NRG3: variants seen among roughly 807,000 people sequenced by gnomAD.
The protein encoded by NRG3 is neuregulin 3.
NRG3 carries 31 observed loss-of-function variants against 66.9 expected under a neutral mutation model. That is an observed-to-expected ratio of 0.46 (90% confidence interval 0.35 to 0.63). The LOEUF (loss-of-function observed/expected upper bound fraction) is 0.63. Ranked by LOEUF, NRG3 falls within the 20% of genes least tolerant of loss-of-function variation. The pLI, the probability that NRG3 is intolerant of heterozygous loss-of-function variation, is 0.00. For missense variants in NRG3, 910 were observed against 878.9 expected (o/e 1.04, Z -0.45); for synonymous variants, 393 against 359.4 (o/e 1.09, Z -1.06).
chr10:82,294,765 G>C (rs1185637047), intron 1 of NRG3, among the ~76,000 whole-genome samples: 1 of 151,904 alleles, frequency 6.6e-6, no homozygotes, highest in African/African-American at 2.4e-5. Flanking sequence ...TTCACTCTTG[G>C]AATATCTGAA....
At chr10:82,767,635 C>A (rs2059564826) in intron 3 of NRG3, among the ~76,000 whole-genome samples, 2 of 151,872 alleles carry the variant, frequency 1.3e-5, no homozygotes, top group African/African-American at 4.8e-5. Context: ...ATCTTATTAT[C>A]TTACCTTTTC....
chr10:82,261,023 G>C (rs1013046086), intron 1 of NRG3, among the ~76,000 whole-genome samples: 1 of 152,146 alleles, frequency 6.6e-6, no homozygotes, highest in Non-Finnish European at 1.5e-5. Context: ...TTGGTGATGA[G>C]TGAGTTCTCT....
intron 1 of NRG3, among the ~76,000 whole-genome samples, chr10:82,158,054 C>T (rs995896): frequency 0.57 from 86,237 of 151,292 alleles, 26,243 homozygotes; most frequent in Non-Finnish European, 0.69. Flanking sequence ...TTACAAAAAA[C>T]ACTCCTATCA....
intron 2 of NRG3, among the ~76,000 whole-genome samples, chr10:82,375,536 C>CAAAAA (rs57526579): frequency 3.5e-4 from 44 of 127,322 alleles, no homozygotes; most frequent in African/African-American, 1.2e-3. Context: ...GACTCCATCT[C>CAAAAA]AAAAAAAAAA....
chr10:82,032,062 A>T (rs1237819907), intron 1 of NRG3, among the ~76,000 whole-genome samples: 1 of 151,632 alleles, frequency 6.6e-6, no homozygotes, highest in Non-Finnish European at 1.5e-5. Flanking sequence ...ATTGATATCA[A>T]ATCTTTTAAA....
intron 3 of NRG3, among the ~76,000 whole-genome samples, chr10:82,781,575 A>T (rs1241551363): frequency 6.6e-6 from 1 of 152,126 alleles, no homozygotes; most frequent in Non-Finnish European, 1.5e-5. Context: ...CATAGTGTTT[A>T]TAAAATATTT....
At chr10:82,723,639 G>T (rs1177508896) in intron 2 of NRG3, among the ~76,000 whole-genome samples, 1 of 152,076 alleles carries the variant, frequency 6.6e-6, no homozygotes, top group Non-Finnish European at 1.5e-5. Context: ...TGAAGCCTTT[G>T]GAAAATACGA....
chr10:82,943,218 T>C (rs573044884), intron 4 of NRG3, among the ~76,000 whole-genome samples: 2 of 152,358 alleles, frequency 1.3e-5, no homozygotes, highest in Admixed American at 6.5e-5. Flanking sequence ...TGCTTATGTG[T>C]TTAATCCCTA....
At chr10:82,393,775 A>T (rs1019097681) in intron 2 of NRG3, among the ~76,000 whole-genome samples, 3 of 152,138 alleles carry the variant, frequency 2.0e-5, no homozygotes, top group African/African-American at 4.8e-5. Context: ...CAGTTTTCAT[A>T]AGTGCTTATT....
chr10:81,991,733 A>G (rs1385620636), intron 1 of NRG3, among the ~76,000 whole-genome samples: 1 of 152,162 alleles, frequency 6.6e-6, no homozygotes, highest in African/African-American at 2.4e-5. Context: ...ATGATATTTA[A>G]TAATAATAGA....
chr10:82,362,079 C>CAAAAAAAAAAAAAAAAAAAA lies in NRG3; in HGVS notation c.953+3222_953+3241dup, dbSNP rs58975630. On this transcript the variant is annotated intron_variant, in intron 2 of 8. Coordinates refer to ENST00000372141, the MANE Select transcript of NRG3 (RefSeq NM_001010848.4). ...GTGATAGAAATCCTGAAAGTACATG[C>CAAAAAAAAAAAAAAAAAAAA]AAAAAAAAAAAAAAAAAAAAAAAAA... is the stretch of plus-strand genomic sequence containing the variant. 4.3e-4 allele frequency among the ~76,000 whole-genome samples: 6 copies of CAAAAAAAAAAAAAAAAAAAA among 13,930 alleles called. 1 individual carries two copies. The highest frequency in any genetic ancestry group is 9.2e-4 in the Non-Finnish European group (5 of 5,428). The allele number at this position is 13,930 out of a possible 152,430, so 9.1% of individuals were successfully genotyped here. A position where few individuals can be genotyped will look rare whatever the true frequency, so the allele number is the denominator to read the frequency against.
chr10:82,932,648 C>T (rs1592004821), intron 4 of NRG3, among the ~76,000 whole-genome samples: 1 of 152,136 alleles, frequency 6.6e-6, no homozygotes, highest in South Asian at 2.1e-4. Flanking sequence ...CTGCTTCTCT[C>T]CTGCAAGCTC....
intron 2 of NRG3, among the ~76,000 whole-genome samples, chr10:82,427,460 A>G (rs2089521926): frequency 6.6e-6 from 1 of 152,128 alleles, no homozygotes; most frequent in Non-Finnish European, 1.5e-5. Context: ...TTTGTCCTTT[A>G]GTCTATTGAT....
intron 1 of NRG3, among the ~76,000 whole-genome samples, chr10:82,156,886 C>T (rs2071230679): frequency 6.6e-6 from 1 of 151,598 alleles, no homozygotes; most frequent in Non-Finnish European, 1.5e-5. Context: ...TAAGAAGAAA[C>T]TATTTAAAAC....
At chr10:82,868,082 T>C (rs947100281) in intron 4 of NRG3, among the ~76,000 whole-genome samples, 1 of 152,136 alleles carries the variant, frequency 6.6e-6, no homozygotes, top group Non-Finnish European at 1.5e-5. Context: ...GGGACTAGGA[T>C]AGGTCTAGAT....
intron 3 of NRG3, among the ~76,000 whole-genome samples, chr10:82,749,794 A>G (rs2058789453): frequency 6.6e-6 from 1 of 151,958 alleles, no homozygotes; most frequent in Non-Finnish European, 1.5e-5. Flanking sequence ...GCACTGAAAA[A>G]AAAAAAAAAA....
Position 82,890,902 on chromosome 10 carries a change from G to A in NRG3, c.1054+25465G>A, listed in dbSNP as rs184662624. On this transcript the variant is annotated intron_variant, in intron 4 of 8. Coordinates refer to ENST00000372141, the MANE Select transcript of NRG3 (RefSeq NM_001010848.4). ...CTAAATGAGAATTTGGACAATTTTCGTCTTTATTTGACATTTGGATAATCT... is the reference window on the plus strand; with the variant it reads ...CTAAATGAGAATTTGGACAATTTTCATCTTTATTTGACATTTGGATAATCT... Among the ~76,000 whole-genome samples, 83 of 152,004 alleles carry A rather than the reference G, an allele frequency of 5.5e-4. 1 individual carries two copies. The highest frequency in any genetic ancestry group is 1.9e-3 in the African/African-American group (79 of 41,476).
intron 2 of NRG3, among the ~76,000 whole-genome samples, chr10:82,378,493 T>C (rs1450314816): frequency 6.6e-6 from 1 of 152,144 alleles, no homozygotes; most frequent in Non-Finnish European, 1.5e-5. Flanking sequence ...GATGGAATTT[T>C]CTTTCTTTGC....
intron 2 of NRG3, among the ~76,000 whole-genome samples, chr10:82,498,479 C>T (rs1347326465): frequency 6.6e-6 from 1 of 152,074 alleles, no homozygotes; most frequent in African/African-American, 2.4e-5. Flanking sequence ...TCATCAGAAA[C>T]CAAATGTGAC....
Sources: gnomAD v4.1 joint callset for allele counts (sites outside exome capture counted in the v4.1 genomes callset) on GRCh38, gnomAD v4.1.1 for gene constraint, MANE v1.5 for transcripts, NCBI Gene and HGNC (gene_info 2026-07-23, HGNC 2026-07-21) for gene names.